SGSM1: variants seen among roughly 807,000 people sequenced by gnomAD.
SGSM1 encodes the protein small G protein signaling modulator 1.
SGSM1 carries 73 observed loss-of-function variants against 133.8 expected under a neutral mutation model. That is an observed-to-expected ratio of 0.55 (90% CI 0.45 to 0.66). The LOEUF (loss-of-function observed/expected upper bound fraction) is 0.66, where lower values mean the gene tolerates loss of function less well. Among genes scored for constraint, SGSM1 ranks in the 30% least tolerant of loss-of-function variants. The probability of loss-of-function intolerance (pLI) is 0.00; values close to 1 mark genes in which losing one functional copy is unlikely to be tolerated. For synonymous variants in SGSM1, 563 were observed against 573.0 expected (o/e 0.98, Z 0.25); for missense variants, 1,213 against 1,448.1 (o/e 0.84, Z 2.64).
intron 21 of SGSM1, among the ~76,000 whole-genome samples, chr22:24,908,599 G>A (rs962710923): frequency 4.6e-5 from 7 of 152,056 alleles, no homozygotes; most frequent in Non-Finnish European, 8.8e-5. Context: ...TCAGAAGATC[G>A]AGACCATCCT....
Position 24,879,468 on chromosome 22 carries a change from C to T in SGSM1, c.1437C>T (p.Pro479=), listed in dbSNP as rs776637794. 1.5e-5 allele frequency: 24 copies of T among 1,613,610 alleles called. No individual in the cohort carries two copies. Among genetic ancestry groups the T allele is most frequent in the Admixed American group, 8.3e-5 (5 of 59,972 alleles). Residue 479 remains proline (P), a synonymous_variant, in exon 14 of 25, where the codon CCC becomes CCT. Coordinates refer to ENST00000400358, the MANE Select transcript of SGSM1 (RefSeq NM_001098497.3). ...STNGCNHERA[P]LKLLCDNMKY... The stretch of plus-strand genomic sequence containing the variant: ...CCTCTTTCTCCACCTGCAGGGCTCC[C>T]CTGAAACTTCTCTGTGACAATATGA...
At chr22:24,821,029 C>A (rs1447243980) in intron 2 of SGSM1, among the ~76,000 whole-genome samples, 2 of 152,090 alleles carry the variant, frequency 1.3e-5, no homozygotes, top group African/African-American at 4.8e-5. Flanking sequence ...TTCTTCCTTT[C>A]TTTTGCTTTC....
At chr22:24,853,534 C>T (rs9624628) in intron 5 of SGSM1, among the ~76,000 whole-genome samples, 4,008 of 152,120 alleles carry the variant, frequency 0.026, 188 homozygotes, top group African/African-American at 0.091. Flanking sequence ...AAACTGGGAA[C>T]AAAAAGACGT....
intron 8 of SGSM1, chr22:24,855,936 T>A: frequency 1.5e-6 from 1 of 657,676 alleles, no homozygotes; most frequent in Non-Finnish European, 2.8e-6. Context: ...CACCCATCTT[T>A]ACATCCATCT....
chr22:24,860,508 A>C (rs1342205901), intron 9 of SGSM1, among the ~76,000 whole-genome samples: 1 of 152,298 alleles, frequency 6.6e-6, no homozygotes, highest in East Asian at 1.9e-4. Flanking sequence ...CTTTCCTAAA[A>C]AAACTTTCTA....
intron 14 of SGSM1, among the ~76,000 whole-genome samples, chr22:24,880,456 T>C (rs1241460750): frequency 6.6e-6 from 1 of 152,172 alleles, no homozygotes; most frequent in East Asian, 1.9e-4. Flanking sequence ...TTTTTCAGTT[T>C]TATTTCCCCA....
chr22:24,877,139 T>C (rs1211433325), intron 13 of SGSM1, among the ~76,000 whole-genome samples: 2 of 152,166 alleles, frequency 1.3e-5, no homozygotes, highest in African/African-American at 4.8e-5. Flanking sequence ...AAGCAGCACA[T>C]GTCATATCCA....
intron 2 of SGSM1, among the ~76,000 whole-genome samples, chr22:24,838,304 T>C (rs1240285605): frequency 6.6e-6 from 1 of 152,224 alleles, no homozygotes; most frequent in Non-Finnish European, 1.5e-5. Flanking sequence ...AATTGGGTGC[T>C]GCAGCTGAAG....
chr22:24,912,251 A>T (rs368695993), intron 21 of SGSM1, among the ~76,000 whole-genome samples: 2 of 152,236 alleles, frequency 1.3e-5, no homozygotes, highest in African/African-American at 4.8e-5. Context: ...ACTTTAGTTC[A>T]TAATGTGTCC....
intron 20 of SGSM1, among the ~76,000 whole-genome samples, chr22:24,903,939 T>C (rs1249708024): frequency 1.5e-5 from 2 of 135,700 alleles, no homozygotes; most frequent in African/African-American, 5.7e-5. Flanking sequence ...ACCATTGCAC[T>C]CCAGCATGGG....
intron 2 of SGSM1, among the ~76,000 whole-genome samples, chr22:24,828,788 A>G (rs761141424): frequency 6.6e-6 from 1 of 152,264 alleles, no homozygotes; most frequent in Non-Finnish European, 1.5e-5. Flanking sequence ...TGTTCACTGC[A>G]GTACTATTCA....
At chr22:24,918,128 C>T (rs1451518757) in intron 23 of SGSM1, among the ~76,000 whole-genome samples, 1 of 152,114 alleles carries the variant, frequency 6.6e-6, no homozygotes, top group Non-Finnish European at 1.5e-5. Flanking sequence ...ATTTCATGCA[C>T]GTTTCCAACA....
Position 24,884,052 on chromosome 22 carries a change from G to C in SGSM1, c.1496-1G>C. 1 of 1,609,328 alleles carries C rather than the reference G, an allele frequency of 6.2e-7. No individual in the cohort carries two copies. Among genetic ancestry groups the C allele is most frequent in the South Asian group, 1.1e-5 (1 of 90,208 alleles). On this transcript the variant is annotated splice_acceptor_variant, in intron 14 of 24. Coordinates refer to ENST00000400358, the MANE Select transcript of SGSM1 (RefSeq NM_001098497.3). LOFTEE classifies it high-confidence loss of function. ...GACACTTTCCCTCCCTCCCTCAACA[G>C]GGCTGGCCTACTGCAGACACCTGTC...
Position 24,886,602 on chromosome 22 carries a change from T to A in SGSM1, c.1644T>A (p.Ser548Arg). The A allele has an allele frequency of 6.4e-7, 1 of 1,552,056 alleles. No individual in the cohort carries two copies. The highest frequency in any genetic ancestry group is 8.7e-7 in the Non-Finnish European group (1 of 1,147,140). Reference protein sequence around the residue: ...IWEQYLHDSTSYEEQELLRLI... With the variant: ...IWEQYLHDSTRYEEQELLRLI... ...TTGCTCCTCTCCACCCACCACAGAG[T>A]TACGAGGAGCAGGAGCTGCTGCGCC... Residue 548 changes from serine to arginine, a missense_variant and splice_region_variant, in exon 16 of 25, where the codon AGT becomes AGA. Physicochemically the swap from Ser to Arg is moderately radical, Grantham distance 110. Coordinates refer to ENST00000400358, the MANE Select transcript of SGSM1 (RefSeq NM_001098497.3).
At chr22:24,843,299 AG>A (rs1936765708) in intron 2 of SGSM1, among the ~76,000 whole-genome samples, 1 of 152,096 alleles carries the variant, frequency 6.6e-6, no homozygotes, top group Non-Finnish European at 1.5e-5. Context: ...AGCCAGCTCT[AG>A]GGGGACACTG....
At chr22:24,865,244 G>A (rs1269788441) in intron 9 of SGSM1, among the ~76,000 whole-genome samples, 1 of 152,238 alleles carries the variant, frequency 6.6e-6, no homozygotes, top group Non-Finnish European at 1.5e-5. Context: ...TTCTGCAGGT[G>A]TTCAGCACCT....
chr22:24,908,341 A>C (rs1933484303), intron 21 of SGSM1, among the ~76,000 whole-genome samples: 1 of 152,156 alleles, frequency 6.6e-6, no homozygotes, highest in Non-Finnish European at 1.5e-5. Context: ...TAAAGAAAGA[A>C]AAAATAGGCA....
chr22:24,905,917 G>C (rs1364329321), intron 21 of SGSM1, among the ~76,000 whole-genome samples: 1 of 152,084 alleles, frequency 6.6e-6, no homozygotes, highest in Non-Finnish European at 1.5e-5. Context: ...TATGAGGACT[G>C]GGTGTCTCAT....
chr22:24,903,489 T>C (rs970582452), intron 20 of SGSM1, among the ~76,000 whole-genome samples: 3 of 152,178 alleles, frequency 2.0e-5, no homozygotes, highest in Admixed American at 6.5e-5. Context: ...ATTACAGTCA[T>C]GAGCCATCGC....
Sources: allele counts gnomAD v4.1 joint callset (sites outside exome capture counted in the v4.1 genomes callset), GRCh38; gene constraint gnomAD v4.1.1; transcripts MANE v1.5; gene names NCBI Gene and HGNC (gene_info 2026-07-23, HGNC 2026-07-21).